The following EPS8 variants were observed in gnomAD, a reference collection of about 807,000 sequenced individuals.
EPS8 encodes epidermal growth factor receptor kinase substrate 8.
Under a neutral mutation model 103.8 loss-of-function variants are expected in EPS8, and 42 were observed. The ratio of observed to expected loss-of-function variants is 0.40; its 90% confidence interval spans 0.32 to 0.52. The LOEUF is 0.52. Ranked by LOEUF, EPS8 falls within the 20% of genes least tolerant of loss-of-function variation. The pLI, the probability that EPS8 is intolerant of heterozygous loss-of-function variation, is 0.40. For synonymous variants in EPS8, 344 were observed against 344.6 expected, an observed-to-expected ratio of 1.00 and a Z score of 0.02; for missense variants, 969 against 1,005.1, an observed-to-expected ratio of 0.96 and a Z score of 0.49.
chr12:15,766,496 CAA>C (rs57577551), intron 1 of EPS8, among the ~76,000 whole-genome samples: 18 of 121,078 alleles, frequency 1.5e-4, no homozygotes, highest in Non-Finnish European at 1.2e-4. Flanking sequence ...GACTCCATCT[CAA>C]AAAAAAAAAA....
At chr12:15,786,911 T>C (rs1947317046) in intron 1 of EPS8, among the ~76,000 whole-genome samples, 1 of 152,116 alleles carries the variant, frequency 6.6e-6, no homozygotes, top group Non-Finnish European at 1.5e-5. Context: ...TTCCACTTTT[T>C]CCCCCGACAT....
chr12:15,703,742 C>T (rs1017991292), intron 1 of EPS8, among the ~76,000 whole-genome samples: 9 of 149,442 alleles, frequency 6.0e-5, no homozygotes, highest in African/African-American at 1.2e-4. Context: ...GATCAGAGAA[C>T]GAAGTTGACA....
intron 17 of EPS8, 45 bp from the exon 18 acceptor site, chr12:15,631,709 C>T: frequency 6.8e-7 from 1 of 1,468,112 alleles, no homozygotes. Context: ...AAAATATAAA[C>T]CTAGGCTAGG....
chr12:15,660,550 CA>C lies in EPS8; in HGVS notation c.937+63del, dbSNP rs1226431214. 8.4e-6 allele frequency: 7 copies of C among 836,668 alleles called. No homozygotes were observed. The African/African-American group carries it at 1.0e-4, about 12-fold the overall frequency. 51.8% of individuals were successfully genotyped at this position (836,668 alleles called of 1,614,324 possible). ...AAGTGCTGGGATTACAGGTGTGAGCCACTGCGCCCAGCCAGTACTGGAGATC... is the reference window on the plus strand; with the variant it reads ...AAGTGCTGGGATTACAGGTGTGAGCCCTGCGCCCAGCCAGTACTGGAGATC... On this transcript the variant is annotated intron_variant, in intron 10 of 20. Coordinates refer to ENST00000281172, the MANE Select transcript of EPS8 (RefSeq NM_004447.6).
intron 4 of EPS8, among the ~76,000 whole-genome samples, chr12:15,670,310 A>C (rs1057217513): frequency 6.6e-6 from 1 of 152,170 alleles, no homozygotes; most frequent in Admixed American, 6.5e-5. Flanking sequence ...CCACTTACTG[A>C]AACAAAACTG....
intron 1 of EPS8, among the ~76,000 whole-genome samples, chr12:15,763,461 T>C (rs957711655): frequency 1.3e-5 from 2 of 152,124 alleles, no homozygotes; most frequent in African/African-American, 4.8e-5. Flanking sequence ...CTTCCAACAA[T>C]GTATGTTTGA....
At chr12:15,677,725 T>C (rs889719112) in intron 3 of EPS8, among the ~76,000 whole-genome samples, 1 of 152,226 alleles carries the variant, frequency 6.6e-6, no homozygotes, top group Non-Finnish European at 1.5e-5. Flanking sequence ...ACTGTTTAAG[T>C]TGCAGATGTG....
intron 1 of EPS8, among the ~76,000 whole-genome samples, chr12:15,712,236 G>C (rs1009507686): frequency 2.0e-5 from 3 of 151,194 alleles, no homozygotes; most frequent in Non-Finnish European, 4.4e-5. Context: ...AATATACATG[G>C]GCTTTAAAAA....
rs1338122665 is a variant in EPS8 at position 15,698,240 on chromosome 12, T to C, written c.-21-15268A>G. ...TATTACTTGGCCAAATGGAGATGTTTATCTCAAATCTTCTTATAAGAAAAG... is the reference window on the plus strand; with the variant it reads ...TATTACTTGGCCAAATGGAGATGTTCATCTCAAATCTTCTTATAAGAAAAG... On this transcript the variant is annotated intron_variant, in intron 1 of 20. Transcript: ENST00000281172. This position sits in a 1 kb window ranked among gnomAD's most constrained non-coding sequence, Gnocchi z 4.9. Among the ~76,000 whole-genome samples the C allele has an allele frequency of 6.6e-6, 1 of 152,224 alleles. No individual in the cohort carries two copies. Among genetic ancestry groups the C allele is most frequent in the East Asian group, 1.9e-4 (1 of 5,200 alleles).
At chr12:15,683,270 G>T (rs1946040291) in intron 1 of EPS8, 2 of 182,048 alleles carry the variant, frequency 1.1e-5, no homozygotes, top group Non-Finnish European at 1.1e-5. Context: ...TCTACATTCT[G>T]CCCAAACTCA....
At position 15,715,950 on chromosome 12, in the gene EPS8, T is replaced by C. The variant is rs141967550; in HGVS notation, c.-21-32978A>G. 4.7e-5 allele frequency among the ~76,000 whole-genome samples: 7 copies of C among 150,382 alleles called. No individual in the cohort carries two copies. The East Asian group carries it at 9.7e-4, about 21-fold the overall frequency. On this transcript the variant is annotated intron_variant, in intron 1 of 20. Transcript: ENST00000281172. ...GAGAAGAGGATAATAATATTAAGTCTTGAAACCAATGGAGAGAACAGCAGA... is the reference window on the plus strand; with the variant it reads ...GAGAAGAGGATAATAATATTAAGTCCTGAAACCAATGGAGAGAACAGCAGA...
At chr12:15,665,559 G>T (rs929568644) in intron 8 of EPS8, 197 bp downstream of exon 8, 10 of 574,332 alleles carry the variant, frequency 1.7e-5, no homozygotes, top group Non-Finnish European at 3.0e-5. Context: ...TCAAACTCCT[G>T]ACCTCAGGTG....
chr12:15,753,353 G>C (rs1407030500), intron 1 of EPS8, among the ~76,000 whole-genome samples: 1 of 152,158 alleles, frequency 6.6e-6, no homozygotes, highest in Non-Finnish European at 1.5e-5. Flanking sequence ...ATGAAGCTCT[G>C]TAGAATGACA....
At position 15,781,253 on chromosome 12, in the gene EPS8, C is replaced by T. The variant is rs1200238205; in HGVS notation, c.-22+7908G>A. Among the ~76,000 whole-genome samples the T allele has an allele frequency of 6.6e-6, 1 of 152,170 alleles. No homozygotes were observed. Among genetic ancestry groups the T allele is most frequent in the African/African-American group, 2.4e-5 (1 of 41,428 alleles). ...GAGCTTAAATACACAAACTTTTTCG[C>T]TATTCTTGTTTGGCACAGTAGTAAT... On this transcript the variant is annotated intron_variant, in intron 1 of 20. Transcript: ENST00000281172. The surrounding 1 kb of genome is among the most constrained non-coding windows in gnomAD (Gnocchi z 4.1).
At position 15,717,915 on chromosome 12, in the gene EPS8, G is replaced by A. The variant is rs933878578; in HGVS notation, c.-21-34943C>T. 1.1e-4 allele frequency among the ~76,000 whole-genome samples: 17 copies of A among 152,146 alleles called. No individual in the cohort carries two copies. Among genetic ancestry groups the A allele is most frequent in the Non-Finnish European group, 2.5e-4 (17 of 68,016 alleles). On this transcript the variant is annotated intron_variant, in intron 1 of 20. Coordinates refer to ENST00000281172, the MANE Select transcript of EPS8 (RefSeq NM_004447.6). This position sits in a 1 kb window ranked among gnomAD's most constrained non-coding sequence, Gnocchi z 4.3. ...GATTTTAAATGTCACTTTCAACCTA[G>A]AAATCACTGTACAGCTCCAATAAGA...
At position 15,757,841 on chromosome 12, in the gene EPS8, A is replaced by G. The variant is rs1456751257; in HGVS notation, c.-22+31320T>C. Among the ~76,000 whole-genome samples, 1 of 152,172 alleles carries G rather than the reference A, an allele frequency of 6.6e-6. No homozygotes were observed. The highest frequency in any genetic ancestry group is 1.5e-5 in the Non-Finnish European group (1 of 68,026). The stretch of plus-strand genomic sequence containing the variant: ...TGTAATAAATTCCTCAAAACTTAGC[A>G]GCTTAGAAGAACAATAGCGTAAGGT... On this transcript the variant is annotated intron_variant, in intron 1 of 20. Coordinates refer to ENST00000281172, the MANE Select transcript of EPS8 (RefSeq NM_004447.6). This position sits in a 1 kb window ranked among gnomAD's most constrained non-coding sequence, Gnocchi z 4.1.
At chr12:15,755,313 C>A (rs566909760) in intron 1 of EPS8, among the ~76,000 whole-genome samples, 12 of 152,216 alleles carry the variant, frequency 7.9e-5, no homozygotes, top group African/African-American at 2.6e-4. Context: ...CATGCAAAAC[C>A]TATATATTCA....
rs548149743 is a variant in EPS8, at chr12:15,745,199, C to T, written c.-22+43962G>A. Among the ~76,000 whole-genome samples the T allele has an allele frequency of 6.6e-6, 1 of 152,110 alleles. No homozygotes were observed. The highest frequency in any genetic ancestry group is 2.4e-5 in the African/African-American group (1 of 41,430). On this transcript the variant is annotated intron_variant, in intron 1 of 20. Transcript: ENST00000281172. This position sits in a 1 kb window ranked among gnomAD's most constrained non-coding sequence, Gnocchi z 4.6. ...TTTTAACATTATTTGTAAAGAAAAA[C>T]TCTACCTGTTTCAAAGAAATGAGTA...
intron 1 of EPS8, among the ~76,000 whole-genome samples, chr12:15,699,585 T>C (rs1946286364): frequency 6.6e-6 from 1 of 152,160 alleles, no homozygotes; most frequent in South Asian, 2.1e-4. Flanking sequence ...TCAAGAGAAA[T>C]ATATGACAAT....
Sources: gnomAD v4.1 joint callset for allele counts (sites outside exome capture counted in the v4.1 genomes callset) on GRCh38, gnomAD v4.1.1 for gene constraint, Gnocchi (gnomAD v3.1) non-coding constraint, MANE v1.5 for transcripts, NCBI Gene and HGNC (gene_info 2026-07-23, HGNC 2026-07-21) for gene names.